Variants in UBE2D2 observed in about 807,000 individuals in gnomAD.
The protein encoded by UBE2D2 is ubiquitin conjugating enzyme E2 D2, also known as ubiquitin-conjugating enzyme E2 D2.
UBE2D2 carries 2 observed loss-of-function variants against 24.2 expected under a neutral mutation model. The observed-to-expected ratio is 0.08, with a 90% CI of 0.03 to 0.26. The LOEUF is 0.26. Ranked by LOEUF, UBE2D2 falls within the 10% of genes least tolerant of loss-of-function variation. The pLI is 1.00. For synonymous variants in UBE2D2, 58 were observed against 56.5 expected, an observed-to-expected ratio of 1.03 and a Z score of -0.12; for missense variants, 44 against 177.6, an observed-to-expected ratio of 0.25 and a Z score of 4.28.
At chr5:139,623,572 A>G in intron 6 of UBE2D2, 111 bp downstream of exon 6, 1 of 756,242 alleles carries the variant, frequency 1.3e-6, no homozygotes, top group East Asian at 2.6e-5. Flanking sequence ...GTGAAGTCCT[A>G]ATATACTCTC....
intron 1 of UBE2D2, among the ~76,000 whole-genome samples, chr5:139,591,493 A>G (rs921009957): frequency 2.0e-5 from 3 of 152,156 alleles, no homozygotes; most frequent in African/African-American, 2.4e-5. Flanking sequence ...ATCTCAGATA[A>G]GCTTACCATG....
At chr5:139,615,911 T>C (rs1193093947) in intron 5 of UBE2D2, among the ~76,000 whole-genome samples, 1 of 146,678 alleles carries the variant, frequency 6.8e-6, no homozygotes, top group Non-Finnish European at 1.5e-5. Flanking sequence ...TCTTGGCTCA[T>C]TGAAACCTCC....
intron 2 of UBE2D2, among the ~76,000 whole-genome samples, chr5:139,603,809 G>C (rs539147180): frequency 6.6e-6 from 1 of 151,566 alleles, no homozygotes; most frequent in Admixed American, 6.6e-5. Flanking sequence ...AATTAGCCAG[G>C]TGTGGTGGTG....
intron 5 of UBE2D2, among the ~76,000 whole-genome samples, 166 bp downstream of exon 5, chr5:139,615,132 A>G (rs1456180588): frequency 1.3e-5 from 2 of 152,192 alleles, no homozygotes; most frequent in Admixed American, 6.6e-5. Flanking sequence ...TTTTCAAGCA[A>G]AAGTATTCCT....
In UBE2D2 at chr5:139,628,203, T is replaced by A. The variant is rs1272807832; in HGVS notation, c.*1402T>A. 1 of 152,682 alleles carries A rather than the reference T, an allele frequency of 6.5e-6. No homozygotes were observed. The highest frequency in any genetic ancestry group is 6.5e-5 in the Admixed American group (1 of 15,284). 9.5% of individuals were successfully genotyped at this position (152,682 alleles called of 1,614,324 possible). Reference sequence around the variant, plus strand: ...TACTGTATGTGGCTTTTTGAAGTCTTCCCTTGACCCTAGTAAAATATAGCT... The same window carrying A: ...TACTGTATGTGGCTTTTTGAAGTCTACCCTTGACCCTAGTAAAATATAGCT... On this transcript the variant is annotated 3_prime_UTR_variant, in exon 7 of 7. Transcript: ENST00000398733.
intron 1 of UBE2D2, among the ~76,000 whole-genome samples, chr5:139,585,202 G>A (rs1052071013): frequency 1.3e-5 from 2 of 149,008 alleles, no homozygotes; most frequent in African/African-American, 2.5e-5. Flanking sequence ...GCCCGGCTGC[G>A]TGCAGGTCTT....
intron 1 of UBE2D2, among the ~76,000 whole-genome samples, chr5:139,585,383 TTTG>T (rs755522490): frequency 7.3e-5 from 11 of 151,710 alleles, no homozygotes; most frequent in Non-Finnish European, 1.5e-4. Flanking sequence ...CCCGCTAATT[TTTG>T]TTGTTGTTGT....
intron 1 of UBE2D2, among the ~76,000 whole-genome samples, chr5:139,579,596 A>T (rs1211890974): frequency 6.6e-6 from 1 of 152,062 alleles, no homozygotes; most frequent in Non-Finnish European, 1.5e-5. Flanking sequence ...AGCCTCAGCT[A>T]TGTTTTTTTT....
At chr5:139,592,080 T>C (rs1009325872) in intron 1 of UBE2D2, among the ~76,000 whole-genome samples, 3 of 152,114 alleles carry the variant, frequency 2.0e-5, no homozygotes, top group Non-Finnish European at 4.4e-5. Flanking sequence ...CGGGCGCCTG[T>C]AATCCCAGCT....
chr5:139,582,976 T>TC (rs1193328976), intron 1 of UBE2D2, among the ~76,000 whole-genome samples: 2 of 149,592 alleles, frequency 1.3e-5, no homozygotes, highest in Admixed American at 1.3e-4. Flanking sequence ...GGCTTTTTTT[T>TC]CTTTTTTTTT....
At chr5:139,562,966 C>T (rs1298247362) in intron 1 of UBE2D2, among the ~76,000 whole-genome samples, 2 of 152,010 alleles carry the variant, frequency 1.3e-5, no homozygotes, top group Non-Finnish European at 2.9e-5. Flanking sequence ...TAGTGGAGAA[C>T]GGGGTCTTGC....
At chr5:139,588,360 C>G (rs1266158815) in intron 1 of UBE2D2, among the ~76,000 whole-genome samples, 1 of 151,694 alleles carries the variant, frequency 6.6e-6, no homozygotes, top group African/African-American at 2.4e-5. Context: ...ACTGCAACCT[C>G]CGCCTCCCAG....
chr5:139,610,546 A>T lies in UBE2D2; in HGVS notation c.89-4040A>T, dbSNP rs71587293. ...CAGAGCGAGACTCCGTCTCAAAAAAAAAATATATTTTTTTTTTTGCTTGAT... is the reference window on the plus strand; with the variant it reads ...CAGAGCGAGACTCCGTCTCAAAAAATAAATATATTTTTTTTTTTGCTTGAT... On this transcript the variant is annotated intron_variant, in intron 2 of 6. Coordinates refer to ENST00000398733, the MANE Select transcript of UBE2D2 (RefSeq NM_003339.3). 3.1e-3 allele frequency among the ~76,000 whole-genome samples: 475 copies of T among 151,672 alleles called. 2 individuals carry two copies. Among genetic ancestry groups the T allele is most frequent in the Middle Eastern group, 0.01 (3 of 292 alleles).
chr5:139,571,181 G>A (rs530261114), intron 1 of UBE2D2, among the ~76,000 whole-genome samples: 56 of 152,044 alleles, frequency 3.7e-4, no homozygotes, highest in Non-Finnish European at 6.8e-4. Flanking sequence ...GGCCGAGGCG[G>A]GTGGATCGTG....
intron 1 of UBE2D2, among the ~76,000 whole-genome samples, chr5:139,584,964 G>A (rs371134233): frequency 2.0e-4 from 30 of 150,048 alleles, no homozygotes; most frequent in African/African-American, 5.9e-4. Context: ...GCAGTGGCGC[G>A]ATCTCGGCTG....
chr5:139,598,741 T>C (rs1754009237), intron 1 of UBE2D2, among the ~76,000 whole-genome samples: 1 of 151,132 alleles, frequency 6.6e-6, no homozygotes, highest in Admixed American at 6.6e-5. Flanking sequence ...TGTGTTTTTT[T>C]AGTACAGATG....
chr5:139,620,082 G>A (rs191963265), intron 5 of UBE2D2, among the ~76,000 whole-genome samples: 54 of 152,236 alleles, frequency 3.5e-4, no homozygotes, highest in African/African-American at 1.3e-3. Context: ...CACAAGAACA[G>A]CACCAAAGGG....
chr5:139,563,203 A>T (rs1352192521), intron 1 of UBE2D2, among the ~76,000 whole-genome samples: 1 of 152,232 alleles, frequency 6.6e-6, no homozygotes, highest in Non-Finnish European at 1.5e-5. Flanking sequence ...ATACAGATTG[A>T]TGATTTAAAC....
chr5:139,605,998 C>T (rs1754191954), intron 2 of UBE2D2, among the ~76,000 whole-genome samples: 1 of 152,124 alleles, frequency 6.6e-6, no homozygotes, highest in Non-Finnish European at 1.5e-5. Context: ...CTGCCTCTGC[C>T]TCCCAAAGCC....
Sources: gnomAD v4.1 joint callset for allele counts (sites outside exome capture counted in the v4.1 genomes callset) on GRCh38, gnomAD v4.1.1 for gene constraint, MANE v1.5 for transcripts, NCBI Gene and HGNC (gene_info 2026-07-23, HGNC 2026-07-21) for gene names.